YEATS2: variants seen among roughly 807,000 people sequenced by gnomAD.
YEATS2 encodes the protein YEATS domain containing 2, also known as YEATS domain-containing protein 2.
A neutral mutation model predicts 163.2 loss-of-function variants in YEATS2; 77 were observed. The observed-to-expected ratio is 0.47, with a 90% CI of 0.39 to 0.57. YEATS2 has a LOEUF of 0.57. Among genes scored for constraint, YEATS2 ranks in the 20% least tolerant of loss-of-function variants. The pLI is 0.00. For synonymous variants in YEATS2, 631 were observed against 645.1 expected, an observed-to-expected ratio of 0.98 and a Z score of 0.33; for missense variants, 1,549 against 1,729.8, an observed-to-expected ratio of 0.90 and a Z score of 1.85.
intron 10 of YEATS2, among the ~76,000 whole-genome samples, chr3:183,752,455 A>C (rs1720271026): frequency 6.6e-6 from 1 of 152,088 alleles, no homozygotes; most frequent in African/African-American, 2.4e-5. Flanking sequence ...CACACCTGTA[A>C]TCCCAGCACT....
At chr3:183,800,646 T>G in intron 24 of YEATS2, 78 bp downstream of exon 24, 1 of 1,208,216 alleles carries the variant, frequency 8.3e-7, no homozygotes, top group South Asian at 1.3e-5. Context: ...ATGTGCAGAG[T>G]TGTGTGTGTG....
At chr3:183,779,840 G>T (rs1723382455) in intron 19 of YEATS2, among the ~76,000 whole-genome samples, 1 of 151,842 alleles carries the variant, frequency 6.6e-6, no homozygotes, top group African/African-American at 2.4e-5. Context: ...TGGGATTACA[G>T]GTGCCCGCCA....
rs374460450 is a variant in YEATS2 at position 183,752,125 on chromosome 3, C to G, written c.1022C>G (p.Pro341Arg). The change falls in exon 10 of 31, where the codon CCT (proline) becomes CGT (arginine). Residue 341 changes from proline to arginine, a missense_variant. Transcript: ENST00000305135. ...TCTCTCGGAGAAGACTGTATCTATCCTCAGTCCTCGGAGTCTGACATCTCT... is the reference window on the plus strand; with the variant it reads ...TCTCTCGGAGAAGACTGTATCTATCGTCAGTCCTCGGAGTCTGACATCTCT... ...RHSLGEDCIY[P>R]QSSESDISDA... 1.2e-6 allele frequency: 2 copies of G among 1,613,998 alleles called. No homozygotes were observed. Among genetic ancestry groups the G allele is most frequent in the African/African-American group, 1.3e-5 (1 of 74,896 alleles).
At chr3:183,804,954 A>G (rs909452108) in intron 27 of YEATS2, among the ~76,000 whole-genome samples, 1 of 151,574 alleles carries the variant, frequency 6.6e-6, no homozygotes, top group African/African-American at 2.4e-5. Flanking sequence ...GCACCAGTGC[A>G]CTCCAGCCTG....
rs372055029 is a variant in YEATS2, at chr3:183,724,211, G to A, written c.538-208G>A. On this transcript the variant is annotated intron_variant, in intron 5 of 30. Transcript: ENST00000305135. ...TGTATGTGACTATTAAAAACACACC[G>A]GGAGTTACAGTATATAAACTTTGTA... Among the ~76,000 whole-genome samples the A allele has an allele frequency of 1.4e-4, 21 of 152,100 alleles. 1 individual carries two copies. The highest frequency in any genetic ancestry group is 5.9e-4 in the Admixed American group (9 of 15,274).
intron 17 of YEATS2, among the ~76,000 whole-genome samples, chr3:183,774,262 G>A (rs1455019399): frequency 6.6e-6 from 1 of 152,182 alleles, no homozygotes; most frequent in Non-Finnish European, 1.5e-5. Flanking sequence ...AAGCATTACT[G>A]CCTGAGCTCC....
rs869091775 is a variant in YEATS2, at chr3:183,730,052, GTTTTTTTT to G, written c.812+1229_812+1236del. Reference sequence around the variant, plus strand: ...ATATTAATTGTGTGGTTTTTTGTTTGTTTTTTTTTTTTTTTTTTTTTTTTTTTTTTTTT... The same window carrying G: ...ATATTAATTGTGTGGTTTTTTGTTTGTTTTTTTTTTTTTTTTTTTTTTTTT... On this transcript the variant is annotated intron_variant, in intron 7 of 30. Transcript: ENST00000305135. 5.0e-4 allele frequency among the ~76,000 whole-genome samples: 21 copies of G among 41,714 alleles called. 1 individual carries two copies. The highest frequency in any genetic ancestry group is 4.3e-3 in the South Asian group (3 of 702). The allele number at this position is 41,714 out of a possible 152,430, so 27.4% of individuals were successfully genotyped here. A position where few individuals can be genotyped will look rare whatever the true frequency, so the allele number is the denominator to read the frequency against.
intron 16 of YEATS2, among the ~76,000 whole-genome samples, chr3:183,772,853 G>A (rs143185742): frequency 8.9e-4 from 135 of 152,178 alleles, no homozygotes; most frequent in African/African-American, 3.2e-3. Flanking sequence ...CCCTGCTGCA[G>A]ATAGCAAAAT....
Position 183,729,412 on chromosome 3 carries a change from T to TA in YEATS2, c.812+562dup, listed in dbSNP as rs911409827. On this transcript the variant is annotated intron_variant, in intron 7 of 30. Transcript: ENST00000305135. ...CTCTGGAAACAGCTAAACTTGTTTA[T>TA]ATAGATACAGATGCATATGAAAATG... Among the ~76,000 whole-genome samples, 134 of 152,342 alleles carry TA rather than the reference T, an allele frequency of 8.8e-4. 1 individual carries two copies. Among genetic ancestry groups the TA allele is most frequent in the African/African-American group, 3.0e-3 (126 of 41,576 alleles).
chr3:183,775,415 G>A (rs554293286), intron 17 of YEATS2, among the ~76,000 whole-genome samples: 52 of 152,088 alleles, frequency 3.4e-4, no homozygotes, highest in African/African-American at 1.1e-3. Context: ...GTCCAACATG[G>A]TGAAACCCCC....
intron 20 of YEATS2, among the ~76,000 whole-genome samples, chr3:183,787,135 A>G (rs1724141133): frequency 6.6e-6 from 1 of 151,982 alleles, no homozygotes; most frequent in Non-Finnish European, 1.5e-5. Flanking sequence ...TTTGTATTTT[A>G]GTAGAGATGG....
At chr3:183,707,793 C>T (rs1293569884) in intron 1 of YEATS2, among the ~76,000 whole-genome samples, 3 of 150,212 alleles carry the variant, frequency 2.0e-5, no homozygotes, top group Non-Finnish European at 4.4e-5. Flanking sequence ...AAGCAATTCT[C>T]CTGCCCTGAG....
chr3:183,773,745 ACTGCTG>A lies in YEATS2; in HGVS notation c.2323_2328del (p.Leu775_Leu776del). 6.2e-7 allele frequency: 1 copy of A among 1,613,372 alleles called. No homozygotes were observed. Among genetic ancestry groups the A allele is most frequent in the Non-Finnish European group, 8.5e-7 (1 of 1,179,780 alleles). On this transcript the variant is annotated inframe_deletion, in exon 17 of 31. Coordinates refer to ENST00000305135, the MANE Select transcript of YEATS2 (RefSeq NM_018023.5). Reference sequence around the variant, plus strand: ...GCAAGAACCCTTCAGGAAAAGGAAAACTGCTGCTGATCCCTCAAGGAGCCATCCTGC... The same window carrying A: ...GCAAGAACCCTTCAGGAAAAGGAAAACTGATCCCTCAAGGAGCCATCCTGC...
At chr3:183,729,228 C>G (rs545109670) in intron 7 of YEATS2, among the ~76,000 whole-genome samples, 14 of 151,070 alleles carry the variant, frequency 9.3e-5, no homozygotes, top group Admixed American at 1.3e-4. Flanking sequence ...GCTGAGATCG[C>G]GCCACTGCAC....
At chr3:183,745,028 C>G (rs1719377738) in intron 8 of YEATS2, among the ~76,000 whole-genome samples, 1 of 151,884 alleles carries the variant, frequency 6.6e-6, no homozygotes, top group African/African-American at 2.4e-5. Context: ...TTTTTGTGTT[C>G]TTAGTAAGAG....
At chr3:183,764,911 T>C (rs1721750952) in intron 15 of YEATS2, among the ~76,000 whole-genome samples, 1 of 152,254 alleles carries the variant, frequency 6.6e-6, no homozygotes, top group South Asian at 2.1e-4. Context: ...CATCTGCTGA[T>C]AGCTACCTAG....
chr3:183,751,743 C>T (rs1435678081), intron 9 of YEATS2, among the ~76,000 whole-genome samples: 1 of 152,124 alleles, frequency 6.6e-6, no homozygotes, highest in African/African-American at 2.4e-5. Flanking sequence ...TCATTGAGAC[C>T]TGCTGGTGAG....
intron 7 of YEATS2, among the ~76,000 whole-genome samples, chr3:183,730,048 G>GTTTGTTTGTTTTT (rs1560244221): frequency 4.8e-5 from 1 of 20,818 alleles, no homozygotes; most frequent in African/African-American, 1.3e-4. Flanking sequence ...GTGGTTTTTT[G>GTTTGTTTGTTTTT]TTTGTTTTTT....
intron 9 of YEATS2, 115 bp from the exon 10 acceptor site, chr3:183,751,958 A>C (rs768135600): frequency 3.0e-5 from 35 of 1,162,440 alleles, no homozygotes; most frequent in Non-Finnish European, 4.2e-5. Context: ...ATTGCCTTTG[A>C]AGTGTGATTA....
Sources: allele counts gnomAD v4.1 joint callset (sites outside exome capture counted in the v4.1 genomes callset), GRCh38; gene constraint gnomAD v4.1.1; transcripts MANE v1.5; gene names NCBI Gene and HGNC (gene_info 2026-07-23, HGNC 2026-07-21).